The following GLRX3 variants were observed in gnomAD, a reference collection of about 807,000 sequenced individuals.
GLRX3 encodes glutaredoxin-3.
Under a neutral mutation model 49.5 loss-of-function variants are expected in GLRX3, and 22 were observed. The observed-to-expected ratio is 0.44, with a 90% CI of 0.32 to 0.63. The LOEUF (loss-of-function observed/expected upper bound fraction) is 0.63. GLRX3 is among the 30% of genes least tolerant of loss of function. The pLI is 0.05. For missense variants in GLRX3, 385 were observed against 396.3 expected (o/e 0.97, Z 0.24); for synonymous variants, 133 against 140.0 (o/e 0.95, Z 0.35).
At chr10:130,150,697 T>C (rs1862359193) in intron 2 of GLRX3, among the ~76,000 whole-genome samples, 1 of 152,220 alleles carries the variant, frequency 6.6e-6, no homozygotes, top group Non-Finnish European at 1.5e-5. Flanking sequence ...AAATGTAGTT[T>C]ATGTTTAATT....
intron 7 of GLRX3, among the ~76,000 whole-genome samples, 188 bp from the exon 8 acceptor site, chr10:130,171,396 G>A (rs1288215080): frequency 6.6e-6 from 1 of 152,120 alleles, no homozygotes; most frequent in Non-Finnish European, 1.5e-5. Context: ...TGTGGGTCAC[G>A]TGTGCCTGGG....
intron 2 of GLRX3, among the ~76,000 whole-genome samples, chr10:130,148,323 G>A (rs776930873): frequency 1.3e-5 from 2 of 151,394 alleles, no homozygotes; most frequent in Non-Finnish European, 2.9e-5. Flanking sequence ...TAGCGATACG[G>A]TTTCACCATG....
intron 2 of GLRX3, among the ~76,000 whole-genome samples, chr10:130,147,861 G>A (rs1202731094): frequency 2.0e-5 from 3 of 152,098 alleles, no homozygotes; most frequent in Non-Finnish European, 4.4e-5. Flanking sequence ...GATGCACATA[G>A]CAAAACCATC....
At chr10:130,153,994 C>G (rs1303600728) in intron 2 of GLRX3, among the ~76,000 whole-genome samples, 4 of 152,212 alleles carry the variant, frequency 2.6e-5, no homozygotes, top group African/African-American at 9.6e-5. Flanking sequence ...GAGCATAGAA[C>G]TGCCTACTCA....
At chr10:130,179,069 C>G (rs950313310) in intron 10 of GLRX3, among the ~76,000 whole-genome samples, 1 of 152,240 alleles carries the variant, frequency 6.6e-6, no homozygotes, top group Non-Finnish European at 1.5e-5. Flanking sequence ...AACTCCTGGC[C>G]TCAAGTGATC....
chr10:130,180,126 C>T (rs1862996981), downstream of GLRX3: 1 of 147,384 alleles, frequency 6.8e-6, no homozygotes, highest in Non-Finnish European at 1.5e-5. Context: ...GGGTCTGGCT[C>T]TGTCACCCAG....
At chr10:130,144,286 C>CT (rs111691897) in intron 1 of GLRX3, among the ~76,000 whole-genome samples, 3,557 of 116,124 alleles carry the variant, frequency 0.031, 182 homozygotes, top group African/African-American at 0.099. Context: ...ATTTGCCTGG[C>CT]TTTTTTTTTT....
intron 2 of GLRX3, among the ~76,000 whole-genome samples, chr10:130,150,268 A>G (rs1862349180): frequency 6.6e-6 from 1 of 151,760 alleles, no homozygotes; most frequent in East Asian, 1.9e-4. Context: ...AAGAAAGAAA[A>G]AGAAAAAAAT....
chr10:130,151,702 CAT>C (rs888218083), intron 2 of GLRX3, among the ~76,000 whole-genome samples: 7 of 152,194 alleles, frequency 4.6e-5, no homozygotes, highest in Admixed American at 1.3e-4. Flanking sequence ...GACATGAACT[CAT>C]CCTTTTTTTA....
intron 8 of GLRX3, among the ~76,000 whole-genome samples, chr10:130,172,053 T>G (rs763579688): frequency 9.2e-5 from 14 of 152,228 alleles, no homozygotes; most frequent in Non-Finnish European, 1.5e-4. Flanking sequence ...TCTGTATCTT[T>G]CTTTATTTTT....
intron 1 of GLRX3, among the ~76,000 whole-genome samples, chr10:130,138,926 A>G (rs768302588): frequency 3.4e-5 from 5 of 146,870 alleles, no homozygotes; most frequent in Non-Finnish European, 7.4e-5. Context: ...CAGTGACACA[A>G]TCTTGGCTCA....
chr10:130,159,503 T>C (rs765535305), intron 2 of GLRX3, among the ~76,000 whole-genome samples: 8 of 152,166 alleles, frequency 5.3e-5, no homozygotes, highest in South Asian at 2.1e-4. Flanking sequence ...CAGACATCAA[T>C]AGTTTATTGA....
chr10:130,153,099 A>G (rs1034733577), intron 2 of GLRX3, among the ~76,000 whole-genome samples: 5 of 152,096 alleles, frequency 3.3e-5, no homozygotes, highest in African/African-American at 9.7e-5. Flanking sequence ...CGAATCGGCT[A>G]TTGAAGCTTG....
At chr10:130,138,645 T>C (rs1478143355) in intron 1 of GLRX3, among the ~76,000 whole-genome samples, 1 of 152,178 alleles carries the variant, frequency 6.6e-6, no homozygotes, top group Non-Finnish European at 1.5e-5. Flanking sequence ...GAAGCTGGGC[T>C]CTGACTCATC....
chr10:130,141,059 G>C (rs1157759342), intron 1 of GLRX3, among the ~76,000 whole-genome samples: 1 of 152,172 alleles, frequency 6.6e-6, no homozygotes, highest in Admixed American at 6.5e-5. Flanking sequence ...TTTGTTGGCT[G>C]GGCACGGTGG....
intron 5 of GLRX3, 110 bp downstream of exon 5, chr10:130,166,789 A>G: frequency 1.1e-6 from 1 of 940,550 alleles, no homozygotes; most frequent in Middle Eastern, 2.2e-4. Context: ...ATATTTACTA[A>G]TAAGAACCTG....
At chr10:130,150,966 C>T (rs1165738996) in intron 2 of GLRX3, among the ~76,000 whole-genome samples, 3 of 145,284 alleles carry the variant, frequency 2.1e-5, no homozygotes, top group Non-Finnish European at 3.0e-5. Flanking sequence ...CTCACTGTGT[C>T]GCCCAGGCTG....
At position 130,157,641 on chromosome 10, in the gene GLRX3, T is replaced by C. The variant is rs977230840; in HGVS notation, c.202-2354T>C. ...TTTTAACAGCTGTCTGGGTATCTCT[T>C]AACCCAGTCAAGTTGAAACCTTAAA... On this transcript the variant is annotated intron_variant, in intron 2 of 10. Transcript: ENST00000331244. 1.9e-4 allele frequency among the ~76,000 whole-genome samples: 29 copies of C among 151,674 alleles called. 1 individual carries two copies. Among genetic ancestry groups the C allele is most frequent in the Non-Finnish European group, 3.1e-4 (21 of 67,952 alleles).
rs562379728 is a variant in GLRX3 at position 130,143,353 on chromosome 10, C to T, written c.93-1858C>T. Among the ~76,000 whole-genome samples, 124 of 152,158 alleles carry T rather than the reference C, an allele frequency of 8.1e-4. 1 individual carries two copies. Among genetic ancestry groups the T allele is most frequent in the Middle Eastern group, 3.4e-3 (1 of 294 alleles). On this transcript the variant is annotated intron_variant, in intron 1 of 10. Coordinates refer to ENST00000331244, the MANE Select transcript of GLRX3 (RefSeq NM_006541.5). ...TTTTGCCATGGAACATATTTCTGTT[C>T]GTGATTTTTCAGATTTTTTTGGGAG...
Sources: allele counts gnomAD v4.1 joint callset (sites outside exome capture counted in the v4.1 genomes callset), GRCh38; gene constraint gnomAD v4.1.1; transcripts MANE v1.5; gene names NCBI Gene and HGNC (gene_info 2026-07-23, HGNC 2026-07-21).